The following ACVR1C variants were observed in gnomAD, a reference collection of about 807,000 sequenced individuals.
ACVR1C encodes activin receptor type-1C.
Under a neutral mutation model 57.9 loss-of-function variants are expected in ACVR1C, and 23 were observed. That is an observed-to-expected ratio of 0.40 (90% CI 0.29 to 0.56). ACVR1C has a LOEUF of 0.56. Among genes scored for constraint, ACVR1C ranks in the 20% least tolerant of loss-of-function variants. ACVR1C has a pLI of 0.50. For missense variants in ACVR1C, 480 were observed against 607.9 expected (o/e 0.79, Z 2.21); for synonymous variants, 214 against 215.3 (o/e 0.99, Z 0.05).
chr2:157,617,206 G>A (rs975953833), intron 1 of ACVR1C, among the ~76,000 whole-genome samples: 4 of 151,920 alleles, frequency 2.6e-5, no homozygotes, highest in Admixed American at 2.0e-4. Flanking sequence ...AAAGAGGGAC[G>A]TCTTATATTA....
At chr2:157,545,468 G>A (rs927523959) in intron 4 of ACVR1C, among the ~76,000 whole-genome samples, 1 of 152,152 alleles carries the variant, frequency 6.6e-6, no homozygotes, top group African/African-American at 2.4e-5. Context: ...AACATAACAT[G>A]GTAAAGCTCA....
chr2:157,566,854 G>T (rs986094915), intron 2 of ACVR1C, among the ~76,000 whole-genome samples: 2 of 152,114 alleles, frequency 1.3e-5, no homozygotes, highest in African/African-American at 4.8e-5. Flanking sequence ...CGAACTGGGT[G>T]GAGCCCACCA....
At chr2:157,551,597 G>A (rs570244546) in intron 3 of ACVR1C, among the ~76,000 whole-genome samples, 9 of 152,228 alleles carry the variant, frequency 5.9e-5, no homozygotes, top group Admixed American at 4.6e-4. Flanking sequence ...TGGTGAAACC[G>A]GGGTGAGTTA....
At chr2:157,576,561 T>C (rs907864749) in intron 2 of ACVR1C, among the ~76,000 whole-genome samples, 15 of 152,196 alleles carry the variant, frequency 9.9e-5, no homozygotes, top group Non-Finnish European at 1.9e-4. Flanking sequence ...TTGATCATTT[T>C]CTTGTCAACT....
chr2:157,547,937 T>C (rs1250337883), intron 4 of ACVR1C, among the ~76,000 whole-genome samples: 1 of 151,744 alleles, frequency 6.6e-6, no homozygotes, highest in Non-Finnish European at 1.5e-5. Context: ...TCTTCTAGGG[T>C]TTTTATGGTT....
chr2:157,562,097 C>T (rs1161404077), intron 2 of ACVR1C, among the ~76,000 whole-genome samples: 1 of 151,968 alleles, frequency 6.6e-6, no homozygotes, highest in African/African-American at 2.4e-5. Flanking sequence ...GAGATCAATA[C>T]CATCTTGGCC....
At chr2:157,592,377 TAA>T (rs543206006) in intron 1 of ACVR1C, among the ~76,000 whole-genome samples, 1 of 152,200 alleles carries the variant, frequency 6.6e-6, no homozygotes, top group South Asian at 2.1e-4. Flanking sequence ...TGGTTAAAAG[TAA>T]AAGTTACAAA....
rs568720265 is a variant in ACVR1C, at chr2:157,586,782, A to T, written c.304+405T>A. ...AGATTCTGTCCCCAGAAAAGTTGGCAATCTGCTATTTTTAGTTATGCTCTT... is the reference window on the plus strand; with the variant it reads ...AGATTCTGTCCCCAGAAAAGTTGGCTATCTGCTATTTTTAGTTATGCTCTT... On this transcript the variant is annotated intron_variant, in intron 2 of 8. Coordinates refer to ENST00000243349, the MANE Select transcript of ACVR1C (RefSeq NM_145259.3). Among the ~76,000 whole-genome samples, 5 of 152,288 alleles carry T rather than the reference A, an allele frequency of 3.3e-5. No homozygotes were observed. The East Asian group carries it at 9.6e-4, about 29-fold the overall frequency.
At chr2:157,573,901 T>C (rs1688584600) in intron 2 of ACVR1C, among the ~76,000 whole-genome samples, 1 of 152,188 alleles carries the variant, frequency 6.6e-6, no homozygotes, top group African/African-American at 2.4e-5. Context: ...TACAAAATTG[T>C]ATTAAACAGA....
chr2:157,620,680 A>C (rs1682752913), intron 1 of ACVR1C, among the ~76,000 whole-genome samples: 1 of 152,156 alleles, frequency 6.6e-6, no homozygotes, highest in South Asian at 2.1e-4. Context: ...ACATGTATAC[A>C]GTGTCCAATG....
chr2:157,540,970 T>C, intron 7 of ACVR1C, 120 bp downstream of exon 7: 1 of 1,229,262 alleles, frequency 8.1e-7, no homozygotes. Flanking sequence ...CCAAAAGGTA[T>C]TCTCTTAAAT....
In ACVR1C at chr2:157,531,434, G is replaced by C. The variant is rs1470797388; in HGVS notation, c.*2484C>G. 2 of 151,806 alleles carry C rather than the reference G, an allele frequency of 1.3e-5. No homozygotes were observed. Among genetic ancestry groups the C allele is most frequent in the Non-Finnish European group, 2.9e-5 (2 of 67,900 alleles). The allele number at this position is 151,806 out of a possible 1,614,324, so 9.4% of individuals were successfully genotyped here. ...TACGGATTTCTTCAGAGTGAAAGTT[G>C]AACCAATAAAATATGAAATTATATT... On this transcript the variant is annotated 3_prime_UTR_variant, in exon 9 of 9. Coordinates refer to ENST00000243349, the MANE Select transcript of ACVR1C (RefSeq NM_145259.3).
At chr2:157,550,036 A>AG in intron 4 of ACVR1C, 126 bp downstream of exon 4, 4 of 679,310 alleles carry the variant, frequency 5.9e-6, no homozygotes, top group African/African-American at 5.6e-5. Context: ...AGGAAAAGGA[A>AG]AAAAAAAAAA....
rs115517557 is a variant in ACVR1C at position 157,580,096 on chromosome 2, C to T, written c.304+7091G>A. On this transcript the variant is annotated intron_variant, in intron 2 of 8. Transcript: ENST00000243349. Reference sequence around the variant, plus strand: ...ACACACACACACAAACACACACGCGCGCACGCACACACGTGCGCGTGCTAT... The same window carrying T: ...ACACACACACACAAACACACACGCGTGCACGCACACACGTGCGCGTGCTAT... Among the ~76,000 whole-genome samples the T allele has an allele frequency of 4.4e-3, 673 of 151,986 alleles. 5 individuals carry two copies. Among genetic ancestry groups the T allele is most frequent in the African/African-American group, 0.015 (625 of 41,482 alleles).
intron 1 of ACVR1C, among the ~76,000 whole-genome samples, chr2:157,608,902 A>G (rs1305375539): frequency 6.6e-6 from 1 of 151,538 alleles, no homozygotes; most frequent in Non-Finnish European, 1.5e-5. Flanking sequence ...ACTTTTGTTT[A>G]TCTTTTCAAA....
chr2:157,614,680 G>A (rs1049635947), intron 1 of ACVR1C, among the ~76,000 whole-genome samples: 5 of 152,044 alleles, frequency 3.3e-5, no homozygotes, highest in Admixed American at 1.3e-4. Flanking sequence ...GAAGCTCTAT[G>A]GCTAGAAGCA....
At chr2:157,558,338 C>T (rs954856080) in intron 2 of ACVR1C, among the ~76,000 whole-genome samples, 1 of 152,188 alleles carries the variant, frequency 6.6e-6, no homozygotes, top group Non-Finnish European at 1.5e-5. Flanking sequence ...TCCAGATGTC[C>T]TCTTTGCACT....
chr2:157,529,184 C>T lies in ACVR1C; in HGVS notation c.*4734G>A, dbSNP rs1687302882. ...GTACAAAGAGAAAGAACAGTCCTTA[C>T]AGAAAGGGTGGGGGATGTCAGGAAG... is the stretch of plus-strand genomic sequence containing the variant. On this transcript the variant is annotated 3_prime_UTR_variant, in exon 9 of 9. Coordinates refer to ENST00000243349, the MANE Select transcript of ACVR1C (RefSeq NM_145259.3). 1 of 152,094 alleles carries T rather than the reference C, an allele frequency of 6.6e-6. No homozygotes were observed. The highest frequency in any genetic ancestry group is 2.4e-5 in the African/African-American group (1 of 41,428). The allele number at this position is 152,094 out of a possible 1,614,324, so 9.4% of individuals were successfully genotyped here. A position where few individuals can be genotyped will look rare whatever the true frequency, so the allele number is the denominator to read the frequency against.
chr2:157,601,113 T>C (rs1389440585), intron 1 of ACVR1C, among the ~76,000 whole-genome samples: 1 of 151,724 alleles, frequency 6.6e-6, no homozygotes, highest in Non-Finnish European at 1.5e-5. Flanking sequence ...AGGTCAGGAG[T>C]TCGAGACCAG....
Sources: gnomAD v4.1 joint callset for allele counts (sites outside exome capture counted in the v4.1 genomes callset) on GRCh38, gnomAD v4.1.1 for gene constraint, MANE v1.5 for transcripts, NCBI Gene and HGNC (gene_info 2026-07-23, HGNC 2026-07-21) for gene names.